CDH4: variants seen among roughly 807,000 people sequenced by gnomAD.
CDH4 encodes cadherin-4.
A neutral mutation model predicts 86.0 loss-of-function variants in CDH4; 33 were observed. The ratio of observed to expected loss-of-function variants is 0.38; its 90% CI spans 0.29 to 0.51. The LOEUF (loss-of-function observed/expected upper bound fraction) is 0.51, where lower values mean the gene tolerates loss of function less well. Among genes scored for constraint, CDH4 ranks in the 20% least tolerant of loss-of-function variants. The pLI, the probability that CDH4 is intolerant of heterozygous loss-of-function variation, is 0.86. For missense variants in CDH4, 1,114 were observed against 1,307.4 expected (o/e 0.85, Z 2.28); for synonymous variants, 555 against 549.4 (o/e 1.01, Z -0.14).
intron 7 of CDH4, among the ~76,000 whole-genome samples, chr20:61,885,742 C>T (rs1984512783): frequency 1.3e-5 from 2 of 152,228 alleles, no homozygotes; most frequent in African/African-American, 4.8e-5. Flanking sequence ...CCTCCCACAG[C>T]ATCTAATCTT....
At chr20:61,625,884 C>T (rs1053115417) in intron 2 of CDH4, among the ~76,000 whole-genome samples, 2 of 152,214 alleles carry the variant, frequency 1.3e-5, no homozygotes, top group Non-Finnish European at 2.9e-5. Context: ...TCACTTGGCC[C>T]GAGTTTTCCA....
chr20:61,936,285 C>T (rs1475755848), intron 15 of CDH4, among the ~76,000 whole-genome samples: 2 of 134,076 alleles, frequency 1.5e-5, no homozygotes, highest in African/African-American at 5.7e-5. Context: ...TCCCACACCC[C>T]CCTGCCCTTC....
At chr20:61,627,738 C>G (rs2086842862) in intron 2 of CDH4, among the ~76,000 whole-genome samples, 2 of 152,206 alleles carry the variant, frequency 1.3e-5, no homozygotes, top group South Asian at 4.2e-4. Context: ...TGGTGTCATG[C>G]AGGGGTGTCC....
intron 2 of CDH4, among the ~76,000 whole-genome samples, chr20:61,450,963 G>A (rs1358059011): frequency 6.6e-6 from 1 of 151,946 alleles, no homozygotes; most frequent in African/African-American, 2.4e-5. Context: ...CAGAACACCA[G>A]ATAGCCATGA....
chr20:61,608,952 C>T (rs553134247), intron 2 of CDH4, among the ~76,000 whole-genome samples: 8 of 152,146 alleles, frequency 5.3e-5, no homozygotes, highest in Non-Finnish European at 1.0e-4. Flanking sequence ...ACTGCCCTGT[C>T]GAGGCTAGGC....
intron 2 of CDH4, among the ~76,000 whole-genome samples, chr20:61,513,025 A>T (rs2085791677): frequency 6.6e-6 from 1 of 152,196 alleles, no homozygotes; most frequent in African/African-American, 2.4e-5. Context: ...TGTGCCCTCT[A>T]ACTGCAAAGT....
chr20:61,575,708 G>A (rs1329899406), intron 2 of CDH4, among the ~76,000 whole-genome samples: 1 of 151,152 alleles, frequency 6.6e-6, no homozygotes, highest in Non-Finnish European at 1.5e-5. Flanking sequence ...TGTGACAGCA[G>A]AGTTGAGTAA....
At chr20:61,522,383 A>G (rs1038067869) in intron 2 of CDH4, among the ~76,000 whole-genome samples, 11 of 152,220 alleles carry the variant, frequency 7.2e-5, no homozygotes, top group African/African-American at 2.4e-4. Flanking sequence ...TGCATGAGGA[A>G]TAGCCACTCG....
intron 3 of CDH4, among the ~76,000 whole-genome samples, chr20:61,765,519 G>A (rs368025709): frequency 1.3e-5 from 2 of 152,176 alleles, no homozygotes; most frequent in African/African-American, 2.4e-5. Flanking sequence ...CAGACAGGCC[G>A]GGCTCTCAGC....
chr20:61,776,005 A>C (rs537116637), intron 4 of CDH4, among the ~76,000 whole-genome samples: 5 of 152,196 alleles, frequency 3.3e-5, no homozygotes, highest in African/African-American at 9.6e-5. Context: ...TGGACAGTGG[A>C]GAGAAAGACC....
chr20:61,756,320 T>G (rs1218283032), intron 3 of CDH4, among the ~76,000 whole-genome samples: 1 of 152,140 alleles, frequency 6.6e-6, no homozygotes, highest in East Asian at 1.9e-4. Flanking sequence ...TGTCACAGAA[T>G]GAGAGGGGTT....
chr20:61,814,242 G>A (rs2146052123), intron 4 of CDH4, among the ~76,000 whole-genome samples: 1 of 152,298 alleles, frequency 6.6e-6, no homozygotes, highest in South Asian at 2.1e-4. Context: ...ACTCTCTTAG[G>A]AACCTCACGC....
intron 2 of CDH4, among the ~76,000 whole-genome samples, chr20:61,576,589 C>T (rs2086384168): frequency 6.6e-6 from 1 of 152,142 alleles, no homozygotes; most frequent in Non-Finnish European, 1.5e-5. Flanking sequence ...CGATCCCACT[C>T]TCTTCTATCC....
At chr20:61,361,686 G>A (rs573336356) in intron 2 of CDH4, among the ~76,000 whole-genome samples, 2 of 152,306 alleles carry the variant, frequency 1.3e-5, no homozygotes, top group East Asian at 3.9e-4. Context: ...CCAAGCTCAG[G>A]GTCTAAGAAG....
Position 61,829,066 on chromosome 20 carries a change from C to T in CDH4, c.577-15602C>T, listed in dbSNP as rs1374416982. On this transcript the variant is annotated intron_variant, in intron 4 of 15. Transcript: ENST00000614565. This position sits in a 1 kb window ranked among gnomAD's most constrained non-coding sequence, Gnocchi z 4.2. ...AGCACTGGAGGCTCTGGCAGTCATG[C>T]TCGCCCGGCCACCACTCACCTCCAG... Among the ~76,000 whole-genome samples the T allele has an allele frequency of 6.6e-6, 1 of 152,230 alleles. No individual in the cohort carries two copies. Among genetic ancestry groups the T allele is most frequent in the Non-Finnish European group, 1.5e-5 (1 of 68,036 alleles).
chr20:61,769,256 C>T (rs2088744577), intron 3 of CDH4, among the ~76,000 whole-genome samples: 1 of 152,174 alleles, frequency 6.6e-6, no homozygotes, highest in Admixed American at 6.5e-5. Context: ...TGGTTGGCGG[C>T]CCCACCCCAG....
intron 2 of CDH4, among the ~76,000 whole-genome samples, chr20:61,617,704 G>A (rs555686426): frequency 1.1e-4 from 17 of 152,292 alleles, no homozygotes; most frequent in Admixed American, 2.6e-4. Flanking sequence ...AGCTGGAACC[G>A]GTCCAGGGAG....
chr20:61,901,677 A>C (rs908353206), intron 8 of CDH4, among the ~76,000 whole-genome samples: 25 of 152,204 alleles, frequency 1.6e-4, no homozygotes, highest in African/African-American at 5.8e-4. Flanking sequence ...GCAGCACCCA[A>C]CGCCGGGTGG....
At chr20:61,788,966 A>G (rs538225528) in intron 4 of CDH4, among the ~76,000 whole-genome samples, 7 of 152,256 alleles carry the variant, frequency 4.6e-5, no homozygotes, top group Non-Finnish European at 8.8e-5. Context: ...TCTGTCTTCA[A>G]AATGACTCTC....
Sources: allele counts gnomAD v4.1 joint callset (sites outside exome capture counted in the v4.1 genomes callset), GRCh38; gene constraint gnomAD v4.1.1; non-coding constraint Gnocchi (gnomAD v3.1); transcripts MANE v1.5; gene names NCBI Gene and HGNC (gene_info 2026-07-23, HGNC 2026-07-21).